Variants in AP1S3 observed in about 807,000 individuals in gnomAD.
AP1S3 encodes the protein adaptor related protein complex 1 subunit sigma 3.
Under a neutral mutation model 20.9 loss-of-function variants are expected in AP1S3, and 10 were observed. The ratio of observed to expected loss-of-function variants is 0.48; its 90% CI spans 0.29 to 0.81. AP1S3 has a LOEUF of 0.81. Ranked by LOEUF, AP1S3 falls within the 30% of genes least tolerant of loss-of-function variation. AP1S3 has a pLI of 0.08. For synonymous variants in AP1S3, 41 were observed against 61.5 expected, an observed-to-expected ratio of 0.67 and a Z score of 1.56; for missense variants, 154 against 183.8, an observed-to-expected ratio of 0.84 and a Z score of 0.94.
At chr2:223,785,377 T>A (rs186830056) in intron 1 of AP1S3, among the ~76,000 whole-genome samples, 58 of 152,238 alleles carry the variant, frequency 3.8e-4, no homozygotes, top group Non-Finnish European at 7.4e-4. Context: ...GATTATATTG[T>A]GTGTGTAGTA....
intron 3 of AP1S3, chr2:223,770,151 T>G (rs1690580631): frequency 6.5e-7 from 1 of 1,535,296 alleles, no homozygotes; most frequent in Non-Finnish European, 8.8e-7. Flanking sequence ...CACAATAGAT[T>G]AGACATCCAT....
intron 1 of AP1S3, among the ~76,000 whole-genome samples, chr2:223,811,807 T>G (rs1691736242): frequency 6.6e-6 from 1 of 152,178 alleles, no homozygotes; most frequent in African/African-American, 2.4e-5. Context: ...ATAATTGTCT[T>G]AAGGCCTGCT....
chr2:223,836,508 G>C (rs2106047859), intron 1 of AP1S3, among the ~76,000 whole-genome samples: 1 of 152,354 alleles, frequency 6.6e-6, no homozygotes, highest in African/African-American at 2.4e-5. Flanking sequence ...GGGAGGCCGA[G>C]GCAGGCGGAT....
In AP1S3 at chr2:223,796,665, T is replaced by C. The variant is rs556653318; in HGVS notation, c.4-18796A>G. On this transcript the variant is annotated intron_variant, in intron 1 of 4. Transcript: ENST00000396654. Reference sequence around the variant, plus strand: ...CTTATGGGTGTGTATTCTTCTAGCATCCTTTTTCTTTTCTCGAGATGGAGT... The same window carrying C: ...CTTATGGGTGTGTATTCTTCTAGCACCCTTTTTCTTTTCTCGAGATGGAGT... 3.3e-5 allele frequency among the ~76,000 whole-genome samples: 5 copies of C among 152,202 alleles called. No individual in the cohort carries two copies. In the East Asian group the frequency reaches 9.7e-4, roughly 29 times the overall value.
At chr2:223,764,238 G>T (rs1189857079) in intron 4 of AP1S3, among the ~76,000 whole-genome samples, 1 of 152,142 alleles carries the variant, frequency 6.6e-6, no homozygotes, top group Non-Finnish European at 1.5e-5. Context: ...TTTTAAAAAG[G>T]TGCTTTACAA....
In AP1S3 at chr2:223,758,399, T is replaced by A. The variant is rs1246012081; in HGVS notation, c.*316A>T. The A allele has an allele frequency of 9.3e-7, 1 of 1,069,976 alleles. No individual in the cohort carries two copies. The highest frequency in any genetic ancestry group is 1.7e-5 in the African/African-American group (1 of 60,596). The allele number at this position is 1,069,976 out of a possible 1,614,324, so 66.3% of individuals were successfully genotyped here. A position where few individuals can be genotyped will look rare whatever the true frequency, so the allele number is the denominator to read the frequency against. The stretch of plus-strand genomic sequence containing the variant: ...TGCAAAAAAAATTGCAGCTAATGTA[T>A]CTAAACCAGCTTAAAAACATAACAT... On this transcript the variant is annotated 3_prime_UTR_variant, in exon 5 of 5. Coordinates refer to ENST00000396654, the MANE Select transcript of AP1S3 (RefSeq NM_001039569.2).
chr2:223,825,687 G>GT (rs35962834), intron 1 of AP1S3, among the ~76,000 whole-genome samples: 72,427 of 151,820 alleles, frequency 0.48, 17,363 homozygotes, highest in Admixed American at 0.57. Context: ...TATTTGTGGG[G>GT]TTTTTTTTCC....
chr2:223,819,607 A>G (rs1691939262), intron 1 of AP1S3, among the ~76,000 whole-genome samples: 1 of 137,554 alleles, frequency 7.3e-6, no homozygotes, highest in Non-Finnish European at 1.7e-5. Context: ...GTAAAAAAAA[A>G]AAAAAATTAA....
At position 223,807,858 on chromosome 2, in the gene AP1S3, A is replaced by ATTTCT. The variant is rs1361079011; in HGVS notation, c.3+29585_3+29589dup. 4.8e-4 allele frequency among the ~76,000 whole-genome samples: 35 copies of ATTTCT among 72,250 alleles called. 1 individual carries two copies. Among genetic ancestry groups the ATTTCT allele is most frequent in the African/African-American group, 1.5e-3 (27 of 18,190 alleles). 47.4% of individuals were successfully genotyped at this position (72,250 alleles called of 152,430 possible). A position where few individuals can be genotyped will look rare whatever the true frequency, so the allele number is the denominator to read the frequency against. The stretch of plus-strand genomic sequence containing the variant: ...TTTTATGAATTACCTAGTCTCAGGC[A>ATTTCT]TTTCTTTTCTTTTTTTTTTTTTTTT... On this transcript the variant is annotated intron_variant, in intron 1 of 4. Coordinates refer to ENST00000396654, the MANE Select transcript of AP1S3 (RefSeq NM_001039569.2).
At chr2:223,833,724 C>A (rs1001462087) in intron 1 of AP1S3, among the ~76,000 whole-genome samples, 1 of 152,144 alleles carries the variant, frequency 6.6e-6, no homozygotes, top group East Asian at 1.9e-4. Context: ...GCCGCCAATT[C>A]TTTCTTACAA....
At chr2:223,818,192 G>A (rs183979175) in intron 1 of AP1S3, among the ~76,000 whole-genome samples, 104 of 152,288 alleles carry the variant, frequency 6.8e-4, no homozygotes, top group African/African-American at 2.4e-3. Context: ...CAAAGTAGGT[G>A]GATCTCTTGA....
intron 3 of AP1S3, chr2:223,770,443 C>T (rs1054149054): frequency 2.8e-6 from 4 of 1,416,412 alleles, no homozygotes; most frequent in Middle Eastern, 2.6e-4. Flanking sequence ...ATTTACTGTA[C>T]TAGTTTCAAG....
chr2:223,778,445 G>T (rs888075784), intron 1 of AP1S3, among the ~76,000 whole-genome samples: 1 of 151,766 alleles, frequency 6.6e-6, no homozygotes, highest in African/African-American at 2.4e-5. Context: ...TTCTTTTTAA[G>T]TGTTATAAAC....
At position 223,835,430 on chromosome 2, in the gene AP1S3, G is replaced by A. The variant is rs373829782; in HGVS notation, c.3+2018C>T. Among the ~76,000 whole-genome samples the A allele has an allele frequency of 7.2e-5, 11 of 152,232 alleles. No homozygotes were observed. The East Asian group carries it at 1.9e-3, about 27-fold the overall frequency. On this transcript the variant is annotated intron_variant, in intron 1 of 4. Transcript: ENST00000396654. ...CCAGCACTTTGGGAGGCCGATGCAG[G>A]TGGATCACGAGGTCAGGAGTTTGAG...
chr2:223,768,507 G>C (rs1417831404), intron 3 of AP1S3, among the ~76,000 whole-genome samples: 1 of 152,044 alleles, frequency 6.6e-6, no homozygotes, highest in Non-Finnish European at 1.5e-5. Flanking sequence ...CCTGGTTTCT[G>C]GCACATTGTA....
At chr2:223,819,931 TAA>T (rs35505776) in intron 1 of AP1S3, among the ~76,000 whole-genome samples, 26,693 of 151,050 alleles carry the variant, frequency 0.18, 2,983 homozygotes, top group East Asian at 0.41. Context: ...CTAGTTATGT[TAA>T]AAAAAAAAAT....
At chr2:223,795,464 A>C (rs550142548) in intron 1 of AP1S3, among the ~76,000 whole-genome samples, 4 of 152,318 alleles carry the variant, frequency 2.6e-5, no homozygotes, top group Admixed American at 2.6e-4. Context: ...CAAATGTTAC[A>C]TTCCACAAAT....
At chr2:223,790,426 G>T (rs994674031) in intron 1 of AP1S3, among the ~76,000 whole-genome samples, 1 of 151,922 alleles carries the variant, frequency 6.6e-6, no homozygotes, top group Non-Finnish European at 1.5e-5. Flanking sequence ...GCAGAGATGG[G>T]GTTTCGCCAT....
In AP1S3 at chr2:223,756,166, CA is replaced by C; in HGVS notation, c.*2548del. On this transcript the variant is annotated 3_prime_UTR_variant, in exon 5 of 5. Transcript: ENST00000396654. ...CAGCCTGACCAACATGGAGAAATCC[CA>C]ACTCTACCAAAAATACAAAATTAGC... 1 of 439,512 alleles carries C rather than the reference CA, an allele frequency of 2.3e-6. No homozygotes were observed. Among genetic ancestry groups the C allele is most frequent in the Non-Finnish European group, 3.0e-6 (1 of 331,728 alleles). 27.2% of individuals were successfully genotyped at this position (439,512 alleles called of 1,614,324 possible). A position where few individuals can be genotyped will look rare whatever the true frequency, so the allele number is the denominator to read the frequency against.
Sources: gnomAD v4.1 joint callset for allele counts (sites outside exome capture counted in the v4.1 genomes callset) on GRCh38, gnomAD v4.1.1 for gene constraint, MANE v1.5 for transcripts, NCBI Gene and HGNC (gene_info 2026-07-23, HGNC 2026-07-21) for gene names.